CACNA1B: variants seen among roughly 807,000 people sequenced by gnomAD.
The protein encoded by CACNA1B is calcium voltage-gated channel subunit alpha1 B.
A neutral mutation model predicts 247.2 loss-of-function variants in CACNA1B; 70 were observed. The ratio of observed to expected loss-of-function variants is 0.28; its 90% confidence interval spans 0.23 to 0.35. The LOEUF is 0.35. Ranked by LOEUF, CACNA1B falls within the 10% of genes least tolerant of loss-of-function variation. The pLI is 1.00. For synonymous variants in CACNA1B, 1,231 were observed against 1,294.4 expected, an observed-to-expected ratio of 0.95 and a Z score of 1.05; for missense variants, 2,367 against 3,197.4, an observed-to-expected ratio of 0.74 and a Z score of 6.26.
intron 15 of CACNA1B, among the ~76,000 whole-genome samples, chr9:137,995,771 A>C (rs960113669): frequency 6.6e-6 from 1 of 152,244 alleles, no homozygotes; most frequent in Non-Finnish European, 1.5e-5. Context: ...TTTCACAATC[A>C]ATACATCTGA....
At chr9:137,895,149 C>T (rs1957158791) in intron 3 of CACNA1B, among the ~76,000 whole-genome samples, 1 of 152,208 alleles carries the variant, frequency 6.6e-6, no homozygotes, top group Admixed American at 6.5e-5. Context: ...CAAAAACCAA[C>T]TGGGCGTGCT....
At chr9:137,915,992 C>T (rs930064372) in intron 5 of CACNA1B, among the ~76,000 whole-genome samples, 3 of 151,304 alleles carry the variant, frequency 2.0e-5, no homozygotes, top group Non-Finnish European at 4.4e-5. Context: ...CACAAAATTT[C>T]TCCTATGTTG....
chr9:138,088,853 G>A (rs912573847), intron 36 of CACNA1B, among the ~76,000 whole-genome samples: 1 of 150,580 alleles, frequency 6.6e-6, no homozygotes, highest in African/African-American at 2.4e-5. Flanking sequence ...CAAGTACTCA[G>A]GAGGCTGAGG....
At chr9:138,046,730 G>A (rs551357891) in intron 21 of CACNA1B, among the ~76,000 whole-genome samples, 174 bp from the exon 22 acceptor site, 12 of 152,208 alleles carry the variant, frequency 7.9e-5, no homozygotes, top group Non-Finnish European at 1.3e-4. Context: ...GCCACTGTCC[G>A]TCACCTGGCT....
At chr9:138,002,051 A>T (rs1395261085) in intron 15 of CACNA1B, among the ~76,000 whole-genome samples, 2 of 152,250 alleles carry the variant, frequency 1.3e-5, no homozygotes, top group African/African-American at 4.8e-5. Flanking sequence ...CATATTGATT[A>T]TATGGAAGAG....
At chr9:138,069,690 C>T (rs1224624721) in intron 31 of CACNA1B, 68 bp from the exon 32 acceptor site, 1 of 1,232,358 alleles carries the variant, frequency 8.1e-7, no homozygotes, top group Non-Finnish European at 1.2e-6. Flanking sequence ...TGTTGTGCAC[C>T]TGCTGCTCAA....
At chr9:137,916,410 A>G (rs548935805) in intron 5 of CACNA1B, among the ~76,000 whole-genome samples, 12 of 151,990 alleles carry the variant, frequency 7.9e-5, no homozygotes, top group Admixed American at 1.3e-4. Flanking sequence ...GCTGCTTGCT[A>G]TCTTGTTCCA....
rs1314812828 is a variant in CACNA1B, at chr9:138,020,426, G to GT, written c.2268-2584dup. Reference sequence around the variant, plus strand: ...ACCAGCCACACTTCACTCTAAGTTGGTGTGGATATGTGCCAGATAGAGCAA... The same window carrying GT: ...ACCAGCCACACTTCACTCTAAGTTGGTTGTGGATATGTGCCAGATAGAGCAA... On this transcript the variant is annotated intron_variant, in intron 18 of 46. Transcript: ENST00000371372. The surrounding 1 kb of genome is among the most constrained non-coding windows in gnomAD (Gnocchi z 4.1). Among the ~76,000 whole-genome samples the GT allele has an allele frequency of 2.0e-5, 3 of 152,216 alleles. No homozygotes were observed. Among genetic ancestry groups the GT allele is most frequent in the African/African-American group, 7.2e-5 (3 of 41,456 alleles).
Position 138,044,648 on chromosome 9 carries a change from CAG to C in CACNA1B, c.3413+749_3413+750del, listed in dbSNP as rs1035970993. Among the ~76,000 whole-genome samples, 17 of 152,294 alleles carry C rather than the reference CAG, an allele frequency of 1.1e-4. No homozygotes were observed. The East Asian group carries it at 2.7e-3, about 24-fold the overall frequency. ...AGGAGGAGGCAGAGGGAGAGGCAGA[CAG>C]GGGTGGAACCACACAAGAGCTTGCC... On this transcript the variant is annotated intron_variant, in intron 21 of 46. Transcript: ENST00000371372.
At position 138,025,108 on chromosome 9, in the gene CACNA1B, G is replaced by T; in HGVS notation, c.3222G>T (p.Pro1074=). The T allele has an allele frequency of 6.2e-7, 1 of 1,613,444 alleles. No individual in the cohort carries two copies. Among genetic ancestry groups the T allele is most frequent in the African/African-American group, 1.3e-5 (1 of 75,048 alleles). The change falls in exon 20 of 47, where the codon CCG becomes CCT. Residue 1074 remains proline, a synonymous_variant. Transcript: ENST00000371372. The part of the protein sequence containing the change: ...VTRMGSQPPD[P]NTIVHIPVML... ...GCATGGGCAGTCAGCCCCCAGACCC[G>T]AACACTATTGTACATATCCCAGTGA...
rs1186287874 is a variant in CACNA1B at position 137,950,845 on chromosome 9, G to T, written c.967-1429G>T. ...CAGAGTCATTCTATATTTGCTTTAT[G>T]AATAATTTTCAGTATGTTAATTCCA... On this transcript the variant is annotated intron_variant, in intron 6 of 46. Coordinates refer to ENST00000371372, the MANE Select transcript of CACNA1B (RefSeq NM_000718.4). The surrounding 1 kb of genome is among the most constrained non-coding windows in gnomAD (Gnocchi z 4.8). Among the ~76,000 whole-genome samples the T allele has an allele frequency of 2.0e-5, 3 of 152,200 alleles. No individual in the cohort carries two copies. The highest frequency in any genetic ancestry group is 7.2e-5 in the African/African-American group (3 of 41,448).
chr9:138,073,527 G>A lies in CACNA1B; in HGVS notation c.4714G>A (p.Ala1572Thr). Reference sequence around the variant, plus strand: ...CCTCAGCTTCCTCCGCCTCTTTCGAGCTGCGCGGCTGATCAAGCTGCTCCG... The same window carrying A: ...CCTCAGCTTCCTCCGCCTCTTTCGAACTGCGCGGCTGATCAAGCTGCTCCG... ...INLSFLRLFR[A>T]ARLIKLLRQG... Residue 1572 changes from alanine (A) to threonine (T), a missense_variant, in exon 33 of 47, where the codon GCT (alanine) becomes ACT (threonine). Ala to Thr is a moderately conservative substitution (Grantham distance 58). Coordinates refer to ENST00000371372, the MANE Select transcript of CACNA1B (RefSeq NM_000718.4). This position sits in a 1 kb window ranked among gnomAD's most constrained non-coding sequence, Gnocchi z 6.4. 1 of 1,613,348 alleles carries A rather than the reference G, an allele frequency of 6.2e-7. No individual in the cohort carries two copies.
At chr9:138,094,457 A>AAAGAAG (rs1554757332) in intron 36 of CACNA1B, among the ~76,000 whole-genome samples, 1,972 of 128,828 alleles carry the variant, frequency 0.015, 2 homozygotes, top group East Asian at 0.032. Flanking sequence ...AAAAAAAAAA[A>AAAGAAG]AAGAAGAAGA....
intron 6 of CACNA1B, among the ~76,000 whole-genome samples, chr9:137,944,630 T>G (rs1180151169): frequency 6.6e-6 from 1 of 152,190 alleles, no homozygotes; most frequent in Non-Finnish European, 1.5e-5. Context: ...GATCAAAGGC[T>G]AAGGTCAAAG....
rs1286837177 is a variant in CACNA1B at position 138,058,613 on chromosome 9, G to A, written c.4353G>A (p.Arg1451=). The A allele has an allele frequency of 1.2e-6, 2 of 1,613,838 alleles. No homozygotes were observed. Among genetic ancestry groups the A allele is most frequent in the Non-Finnish European group, 1.7e-6 (2 of 1,179,880 alleles). ...DFAISAKPLT[R]YMPQNRQSFQ... is the part of the protein sequence containing the mutation. The stretch of plus-strand genomic sequence containing the variant: ...CCATCAGCGCCAAACCCCTGACACG[G>A]TACATGCCCCAAAACCGGCAGTCGT... The change falls in exon 29 of 47, where the codon CGG becomes CGA. Residue 1451 remains arginine, a synonymous_variant. Coordinates refer to ENST00000371372, the MANE Select transcript of CACNA1B (RefSeq NM_000718.4). This position sits in a 1 kb window ranked among gnomAD's most constrained non-coding sequence, Gnocchi z 4.7.
In CACNA1B at chr9:138,121,042, C is replaced by T. The variant is rs1272685992; in HGVS notation, c.6489+161C>T. 2.0e-5 allele frequency among the ~76,000 whole-genome samples: 3 copies of T among 152,112 alleles called. No individual in the cohort carries two copies. The highest frequency in any genetic ancestry group is 6.5e-5 in the Admixed American group (1 of 15,286). The stretch of plus-strand genomic sequence containing the variant: ...TCCCCTCTGTGCCCTGTCCCGGAGC[C>T]CACGTCTGCAGCCTACCCCAGCTGT... On this transcript the variant is annotated intron_variant, in intron 46 of 46. Transcript: ENST00000371372. The surrounding 1 kb of genome is among the most constrained non-coding windows in gnomAD (Gnocchi z 6.8).
chr9:138,053,692 C>A (rs1271501299), intron 25 of CACNA1B, among the ~76,000 whole-genome samples, 154 bp from the exon 26 acceptor site: 1 of 149,310 alleles, frequency 6.7e-6, no homozygotes, highest in Admixed American at 6.7e-5. Context: ...TCCTCATGGC[C>A]CCACCCATTC....
rs1564261906 is a variant in CACNA1B at position 138,054,219 on chromosome 9, C to T, written c.3968+213C>T. On this transcript the variant is annotated intron_variant, in intron 26 of 46. Transcript: ENST00000371372. The surrounding 1 kb of genome is among the most constrained non-coding windows in gnomAD (Gnocchi z 4.6). The stretch of plus-strand genomic sequence containing the variant: ...ATGCATCCCCTCCCCAGCACCACAC[C>T]AGGGACCCCCAGCACTTCCTCCTCA... Among the ~76,000 whole-genome samples, 5 of 152,218 alleles carry T rather than the reference C, an allele frequency of 3.3e-5. No homozygotes were observed. Among genetic ancestry groups the T allele is most frequent in the African/African-American group, 1.2e-4 (5 of 41,466 alleles).
At chr9:137,961,959 A>G (rs1958025963) in intron 10 of CACNA1B, among the ~76,000 whole-genome samples, 1 of 152,214 alleles carries the variant, frequency 6.6e-6, no homozygotes, top group South Asian at 2.1e-4. Context: ...AATTGATACC[A>G]GCTCATCTTT....
Sources: gnomAD v4.1 joint callset for allele counts (sites outside exome capture counted in the v4.1 genomes callset) on GRCh38, gnomAD v4.1.1 for gene constraint, Gnocchi (gnomAD v3.1) non-coding constraint, MANE v1.5 for transcripts, NCBI Gene and HGNC (gene_info 2026-07-23, HGNC 2026-07-21) for gene names.